Variants in HEG1 observed in about 807,000 individuals in gnomAD.
The protein encoded by HEG1 is protein HEG homolog 1.
Under a neutral mutation model 125.6 loss-of-function variants are expected in HEG1, and 56 were observed. That is an observed-to-expected ratio of 0.45 (90% CI 0.36 to 0.56). HEG1 has a LOEUF of 0.56. HEG1 is among the 20% of genes least tolerant of loss of function. The pLI is 0.00. For missense variants in HEG1, 1,523 were observed against 1,670.0 expected (o/e 0.91, Z 1.53); for synonymous variants, 644 against 668.5 (o/e 0.96, Z 0.57).
intron 6 of HEG1, among the ~76,000 whole-genome samples, chr3:125,011,432 C>T (rs559490567): frequency 1.3e-5 from 2 of 152,346 alleles, no homozygotes; most frequent in South Asian, 2.1e-4. Flanking sequence ...GCCCCTAATA[C>T]TTGCCTACAG....
At position 125,019,243 on chromosome 3, in the gene HEG1, A is replaced by G. The variant is rs1262302440; in HGVS notation, c.1588+19T>C. The G allele has an allele frequency of 6.3e-7, 1 of 1,591,938 alleles. No homozygotes were observed. On this transcript the variant is annotated intron_variant, in intron 5 of 16. Transcript: ENST00000311127. ...TCTCTCCTCTATGGGGCACAGTTGC[A>G]TGAAATGGAAAAACTCACTCGAACG...
At chr3:125,018,852 C>T (rs904037335) in intron 5 of HEG1, among the ~76,000 whole-genome samples, 3 of 142,744 alleles carry the variant, frequency 2.1e-5, no homozygotes, top group Non-Finnish European at 4.6e-5. Flanking sequence ...GGAGTTATTT[C>T]ATTCATGCAT....
chr3:124,990,649 T>C (rs1936817225), intron 14 of HEG1, 138 bp downstream of exon 14: 2 of 822,926 alleles, frequency 2.4e-6, no homozygotes, highest in Non-Finnish European at 3.9e-6. Context: ...TTTCTCTTTG[T>C]TTCCCCCATG....
chr3:124,991,052 A>G, intron 12 of HEG1, 66 bp from the exon 13 acceptor site: 1 of 1,236,238 alleles, frequency 8.1e-7, no homozygotes. Context: ...AGTTAATTAA[A>G]CGCCAGCCAC....
In HEG1 at chr3:125,038,884, C is replaced by T. The variant is rs187454607; in HGVS notation, c.317-9396G>A. Among the ~76,000 whole-genome samples the T allele has an allele frequency of 3.3e-5, 5 of 152,308 alleles. No individual in the cohort carries two copies. The East Asian group carries it at 9.7e-4, about 29-fold the overall frequency. ...TGAAGTCAGGAGTAAGGAGAAGAGG[C>T]TGTGCCCCCTCAGACATTCATGGGG... On this transcript the variant is annotated intron_variant, in intron 1 of 16. Coordinates refer to ENST00000311127, the MANE Select transcript of HEG1 (RefSeq NM_020733.2).
Position 125,012,712 on chromosome 3 carries a change from G to T in HEG1, c.2867C>A (p.Ser956Tyr). Residue 956 changes from serine to tyrosine, a missense_variant, in exon 6 of 17, where the codon TCC (serine) becomes TAC (tyrosine). Ser to Tyr is a moderately radical substitution (Grantham distance 144). Coordinates refer to ENST00000311127, the MANE Select transcript of HEG1 (RefSeq NM_020733.2). ...TTTGGGAGCCAAGTCTTCAGCCGTG[G>T]AAACAACTGTGGTTTGGGGAGAAGG... ...TSPSPQTTVV[S>Y]TAEDLAPKSA... 1 of 1,614,002 alleles carries T rather than the reference G, an allele frequency of 6.2e-7. No homozygotes were observed. Among genetic ancestry groups the T allele is most frequent in the Non-Finnish European group, 8.5e-7 (1 of 1,179,890 alleles).
intron 16 of HEG1, 123 bp downstream of exon 16, chr3:124,973,608 G>A: frequency 1.5e-6 from 1 of 675,510 alleles, no homozygotes; most frequent in Non-Finnish European, 2.4e-6. Context: ...GTAAATCAGA[G>A]GTTCATGCCA....
At chr3:125,016,723 TG>T (rs1937254611) in intron 5 of HEG1, among the ~76,000 whole-genome samples, 1 of 152,220 alleles carries the variant, frequency 6.6e-6, no homozygotes. Context: ...GATTCTTATA[TG>T]GGGGAAATGA....
At chr3:125,014,942 A>G in intron 5 of HEG1, 1 of 1,289,128 alleles carries the variant, frequency 7.8e-7, no homozygotes, top group South Asian at 1.2e-5. Flanking sequence ...AGGGCACCCC[A>G]GAAGTCCTGT....
intron 1 of HEG1, 118 bp from the exon 2 acceptor site, chr3:125,029,606 T>C: frequency 1.9e-6 from 2 of 1,055,040 alleles, no homozygotes; most frequent in Non-Finnish European, 2.7e-6. Context: ...TAAAAGAATT[T>C]TGGCCAGGCA....
chr3:125,004,294 T>C (rs73203533), intron 9 of HEG1, among the ~76,000 whole-genome samples: 8,702 of 152,288 alleles, frequency 0.057, 283 homozygotes, highest in East Asian at 0.12. Context: ...AACATTGAGA[T>C]TGGAAATCAA....
In HEG1 at chr3:125,029,203, C is replaced by A. The variant is rs1397058410; in HGVS notation, c.602G>T (p.Gly201Val). Residue 201 changes from glycine to valine, a missense_variant, in exon 2 of 17, where the codon GGC becomes GTC. Coordinates refer to ENST00000311127, the MANE Select transcript of HEG1 (RefSeq NM_020733.2). Reference sequence around the variant, plus strand: ...CATCAGCACAAGCTCACCTAAGTTGCCACTCTGGGAAGTCAGAGCTGTTGC... The same window carrying A: ...CATCAGCACAAGCTCACCTAAGTTGACACTCTGGGAAGTCAGAGCTGTTGC... ...EIATALTSQS[G>V]NLASESLHLP... 2 of 1,611,288 alleles carry A rather than the reference C, an allele frequency of 1.2e-6. No individual in the cohort carries two copies. Among genetic ancestry groups the A allele is most frequent in the Admixed American group, 1.7e-5 (1 of 59,760 alleles).
In HEG1 at chr3:124,970,372, G is replaced by A. The variant is rs181196608; in HGVS notation, c.*280C>T. On this transcript the variant is annotated 3_prime_UTR_variant, in exon 17 of 17. Transcript: ENST00000311127. Reference sequence around the variant, plus strand: ...TAGTGGTCTGCCCTGGCTAATAGTCGCCCTGGTGCCAGTGCCATGGTGCAG... The same window carrying A: ...TAGTGGTCTGCCCTGGCTAATAGTCACCCTGGTGCCAGTGCCATGGTGCAG... The A allele has an allele frequency of 1.9e-5, 7 of 367,110 alleles. No individual in the cohort carries two copies. The highest frequency in any genetic ancestry group is 1.0e-4 in the East Asian group (2 of 19,524). 22.7% of individuals were successfully genotyped at this position (367,110 alleles called of 1,614,324 possible).
At chr3:125,009,681 T>G (rs753129143) in intron 8 of HEG1, 24 bp downstream of exon 8, 1 of 1,599,710 alleles carries the variant, frequency 6.3e-7, no homozygotes, top group African/African-American at 1.3e-5. Flanking sequence ...CGGAATAAAG[T>G]CCGAAATAGA....
intron 14 of HEG1, among the ~76,000 whole-genome samples, chr3:124,987,040 T>A (rs1936749927): frequency 1.3e-5 from 2 of 152,154 alleles, no homozygotes; most frequent in South Asian, 2.1e-4. Flanking sequence ...AAGCATTTTC[T>A]AATAAAACTT....
At chr3:124,979,684 A>G (rs1936614011) in intron 14 of HEG1, among the ~76,000 whole-genome samples, 1 of 152,184 alleles carries the variant, frequency 6.6e-6, no homozygotes, top group Admixed American at 6.5e-5. Flanking sequence ...CTGTAATCCC[A>G]GCACTTTGGG....
rs75008852 is a variant in HEG1 at position 125,003,123 on chromosome 3, T to C, written c.3298-808A>G. The stretch of plus-strand genomic sequence containing the variant: ...TGTATAGCCTAATAGCAATGATTTA[T>C]TATTGTTGTTTTATTATTAACCTGT... On this transcript the variant is annotated intron_variant, in intron 9 of 16. Transcript: ENST00000311127. Among the ~76,000 whole-genome samples, 158 of 152,324 alleles carry C rather than the reference T, an allele frequency of 1.0e-3. 4 individuals are homozygous for C. In the East Asian group the frequency reaches 0.027, roughly 26 times the overall value.
chr3:125,014,691 G>C, intron 5 of HEG1: 1 of 1,236,786 alleles, frequency 8.1e-7, no homozygotes, highest in Non-Finnish European at 1.0e-6. Flanking sequence ...TGTGTTAAAA[G>C]AGACTGTGGA....
intron 9 of HEG1, 37 bp from the exon 10 acceptor site, chr3:125,002,352 T>G: frequency 6.4e-7 from 1 of 1,572,978 alleles, no homozygotes; most frequent in Non-Finnish European, 8.7e-7. Context: ...AACAGTGAGT[T>G]AGACAAAAGC....
Sources: allele counts gnomAD v4.1 joint callset (sites outside exome capture counted in the v4.1 genomes callset), GRCh38; gene constraint gnomAD v4.1.1; transcripts MANE v1.5; gene names NCBI Gene and HGNC (gene_info 2026-07-23, HGNC 2026-07-21).